ARNT2: variants seen among roughly 807,000 people sequenced by gnomAD.
ARNT2 encodes the protein aryl hydrocarbon receptor nuclear translocator 2, also known as ARNT protein 2.
ARNT2 carries 36 observed loss-of-function variants against 91.7 expected under a neutral mutation model. The ratio of observed to expected loss-of-function variants is 0.39; its 90% CI spans 0.30 to 0.52. ARNT2 has a LOEUF of 0.52. Ranked by LOEUF, ARNT2 falls within the 20% of genes least tolerant of loss-of-function variation. The pLI is 0.72. For synonymous variants in ARNT2, 365 were observed against 347.1 expected (o/e 1.05, Z -0.57); for missense variants, 775 against 939.3 (o/e 0.83, Z 2.29).
At chr15:80,455,840 G>C (rs1005888296) in intron 2 of ARNT2, among the ~76,000 whole-genome samples, 6 of 152,226 alleles carry the variant, frequency 3.9e-5, no homozygotes, top group Non-Finnish European at 8.8e-5. Flanking sequence ...ACACCCACTT[G>C]TGGTTTTGTT....
chr15:80,450,664 A>G (rs1896374813), intron 1 of ARNT2, among the ~76,000 whole-genome samples: 1 of 152,172 alleles, frequency 6.6e-6, no homozygotes, highest in African/African-American at 2.4e-5. Context: ...CACTGTTCCA[A>G]TCAGTAAATA....
At chr15:80,489,589 T>A (rs538557565) in intron 5 of ARNT2, among the ~76,000 whole-genome samples, 8 of 152,346 alleles carry the variant, frequency 5.3e-5, no homozygotes, top group Admixed American at 4.6e-4. Flanking sequence ...CTTCTCTCAG[T>A]TCTACAGCTC....
At chr15:80,536,763 C>G (rs1897831671) in intron 8 of ARNT2, among the ~76,000 whole-genome samples, 1 of 152,130 alleles carries the variant, frequency 6.6e-6, no homozygotes, top group Non-Finnish European at 1.5e-5. Context: ...GCTGACTTTC[C>G]TGAGTGAAGC....
intron 1 of ARNT2, among the ~76,000 whole-genome samples, chr15:80,411,998 A>G (rs1185268232): frequency 6.6e-6 from 1 of 152,220 alleles, no homozygotes; most frequent in Non-Finnish European, 1.5e-5. Context: ...TACTGATAAG[A>G]CAGACTCCAG....
At position 80,414,486 on chromosome 15, in the gene ARNT2, A is replaced by G. The variant is rs567091819; in HGVS notation, c.31+9940A>G. Among the ~76,000 whole-genome samples, 48 of 152,360 alleles carry G rather than the reference A, an allele frequency of 3.2e-4. 1 individual carries two copies. In the South Asian group the frequency reaches 9.3e-3, roughly 30 times the overall value. ...ATAATAAAGGGCTGGCCCCTTTAAA[A>G]CATGTCAAGAAAATGTGACAGCTTT... On this transcript the variant is annotated intron_variant, in intron 1 of 18. Transcript: ENST00000303329.
At chr15:80,423,176 G>A (rs1165247226) in intron 1 of ARNT2, among the ~76,000 whole-genome samples, 1 of 152,172 alleles carries the variant, frequency 6.6e-6, no homozygotes, top group Non-Finnish European at 1.5e-5. Context: ...GCAGTTGTGT[G>A]TACATGAGGG....
intron 8 of ARNT2, among the ~76,000 whole-genome samples, chr15:80,519,860 A>ATTTT (rs539637778): frequency 1.7e-5 from 2 of 119,288 alleles, no homozygotes; most frequent in African/African-American, 3.0e-5. Context: ...AATTTTTTGT[A>ATTTT]TTTTTTTTTT....
At chr15:80,495,942 A>T (rs1193390076) in intron 5 of ARNT2, among the ~76,000 whole-genome samples, 1 of 152,004 alleles carries the variant, frequency 6.6e-6, no homozygotes, top group Non-Finnish European at 1.5e-5. Context: ...AACATGAAGC[A>T]CTCTCTCTGT....
At chr15:80,460,525 G>A (rs377153283) in intron 3 of ARNT2, among the ~76,000 whole-genome samples, 89 of 152,308 alleles carry the variant, frequency 5.8e-4, no homozygotes, top group African/African-American at 2.0e-3. Context: ...AATGTTCTCA[G>A]GCCCGCTCCA....
chr15:80,494,747 G>A (rs1435302656), intron 5 of ARNT2, among the ~76,000 whole-genome samples: 4 of 152,174 alleles, frequency 2.6e-5, no homozygotes, highest in African/African-American at 4.8e-5. Context: ...CCCAGTTGTC[G>A]AGGTGGGAGA....
chr15:80,478,330 G>A (rs1289949593), intron 5 of ARNT2, among the ~76,000 whole-genome samples: 1 of 152,244 alleles, frequency 6.6e-6, no homozygotes, highest in Non-Finnish European at 1.5e-5. Context: ...CAAGGGTGTA[G>A]CCAGCTGGTT....
chr15:80,423,752 G>A (rs376001782), intron 1 of ARNT2, among the ~76,000 whole-genome samples: 1 of 146,340 alleles, frequency 6.8e-6, no homozygotes, highest in African/African-American at 2.5e-5. Flanking sequence ...TTGTGTGTGT[G>A]TGTGAAAGAG....
chr15:80,582,812 C>T (rs1898823271), intron 17 of ARNT2, among the ~76,000 whole-genome samples: 1 of 152,214 alleles, frequency 6.6e-6, no homozygotes, highest in African/African-American at 2.4e-5. Flanking sequence ...GCCAGGCACT[C>T]AGCACGGTTA....
In ARNT2 at chr15:80,563,627, C is replaced by A. The variant is rs142220313; in HGVS notation, c.1316+388C>A. Among the ~76,000 whole-genome samples, 173 of 152,242 alleles carry A rather than the reference C, an allele frequency of 1.1e-3. 1 individual carries two copies. The highest frequency in any genetic ancestry group is 4.1e-3 in the African/African-American group (169 of 41,538). ...CCTGGTTTCTTGGTCCTACCGAAGC[C>A]GGGGGTGGAGGAAGGGAGGCTGAGC... On this transcript the variant is annotated intron_variant, in intron 12 of 18. Transcript: ENST00000303329.
intron 1 of ARNT2, among the ~76,000 whole-genome samples, chr15:80,431,258 C>G (rs1225775736): frequency 2.6e-5 from 4 of 152,188 alleles, no homozygotes; most frequent in Admixed American, 1.3e-4. Flanking sequence ...TCTCGAGGGC[C>G]TGGTGCTCTT....
chr15:80,511,990 C>T lies in ARNT2; in HGVS notation c.726-1921C>T, dbSNP rs74381103. ...GTAGGATATACGGCACGTAGCAGCA[C>T]AATGGAACCACTTACTAATGTCACC... is the stretch of plus-strand genomic sequence containing the variant. On this transcript the variant is annotated intron_variant, in intron 6 of 18. Coordinates refer to ENST00000303329, the MANE Select transcript of ARNT2 (RefSeq NM_014862.4). 5.6e-3 allele frequency among the ~76,000 whole-genome samples: 859 copies of T among 152,310 alleles called. 14 individuals carry two copies. The highest frequency in any genetic ancestry group is 0.019 in the African/African-American group (793 of 41,562).
chr15:80,415,309 C>A (rs1305598304), intron 1 of ARNT2, among the ~76,000 whole-genome samples: 2 of 152,266 alleles, frequency 1.3e-5, no homozygotes, highest in Non-Finnish European at 2.9e-5. Flanking sequence ...TGCTTATCCA[C>A]CTAATTAAAC....
chr15:80,590,139 C>T (rs1893250609), intron 17 of ARNT2, among the ~76,000 whole-genome samples: 1 of 152,134 alleles, frequency 6.6e-6, no homozygotes, highest in South Asian at 2.1e-4. Flanking sequence ...AACGCAGTGC[C>T]CAGGCTGGGG....
At chr15:80,437,922 T>TAC (rs58142108) in intron 1 of ARNT2, among the ~76,000 whole-genome samples, 7,736 of 141,490 alleles carry the variant, frequency 0.055, 207 homozygotes, top group East Asian at 0.088. Context: ...TGTATTTACC[T>TAC]ACACACACAC....
Sources: allele counts gnomAD v4.1 joint callset (sites outside exome capture counted in the v4.1 genomes callset), GRCh38; gene constraint gnomAD v4.1.1; transcripts MANE v1.5; gene names NCBI Gene and HGNC (gene_info 2026-07-23, HGNC 2026-07-21).